TEX11: variants seen among roughly 807,000 people sequenced by gnomAD.
The protein encoded by TEX11 is testis expressed 11, also known as testis-expressed protein 11.
A neutral mutation model predicts 84.4 loss-of-function variants in TEX11; 7 were observed. The observed-to-expected ratio is 0.08, with a 90% CI of 0.05 to 0.16. The LOEUF is 0.16. TEX11 is among the 10% of genes least tolerant of loss of function. TEX11 has a pLI of 1.00. For synonymous variants in TEX11, 264 were observed against 222.8 expected (o/e 1.18, Z -1.64); for missense variants, 551 against 660.5 (o/e 0.83, Z 1.82).
chrX:70,702,987 C>T (rs1603227901), intron 13 of TEX11, among the ~76,000 whole-genome samples: 1 of 111,704 alleles, frequency 9.0e-6, no homozygotes, highest in African/African-American at 3.3e-5. Flanking sequence ...TTATATAGTG[C>T]TTATTATGCA....
chrX:70,738,065 A>G (rs776334636), intron 11 of TEX11, among the ~76,000 whole-genome samples: 1 of 112,237 alleles, frequency 8.9e-6, no homozygotes, highest in East Asian at 2.8e-4. Context: ...CTAAAACACC[A>G]AAAGCAATTC....
intron 18 of TEX11, among the ~76,000 whole-genome samples, chrX:70,627,464 C>T (rs182677224): frequency 7.2e-4 from 80 of 111,320 alleles, no homozygotes; most frequent in Non-Finnish European, 1.2e-3. Context: ...TCTATGGTGG[C>T]AGTTGAGAAG....
intron 2 of TEX11, among the ~76,000 whole-genome samples, chrX:70,895,603 G>A (rs755003703): frequency 3.6e-5 from 4 of 111,707 alleles, no homozygotes; most frequent in Non-Finnish European, 5.6e-5. Context: ...GAGGCATCAC[G>A]CTGTCTTACC....
At chrX:70,553,201 C>T (rs2088241004) in intron 27 of TEX11, 105 bp downstream of exon 27, 2 of 456,942 alleles carry the variant, frequency 4.4e-6, no homozygotes, top group East Asian at 8.0e-5. Flanking sequence ...CCAGATCATC[C>T]CCATATCATC....
At chrX:70,723,105 G>A (rs915225171) in intron 12 of TEX11, among the ~76,000 whole-genome samples, 12 of 111,680 alleles carry the variant, frequency 1.1e-4, no homozygotes, top group Non-Finnish European at 1.9e-4. Context: ...ATTTCTCAGG[G>A]TTGTTGAGAG....
At chrX:70,598,314 G>A (rs1185477161) in intron 24 of TEX11, among the ~76,000 whole-genome samples, 1 of 111,961 alleles carries the variant, frequency 8.9e-6, no homozygotes, top group Non-Finnish European at 1.9e-5. Flanking sequence ...CCACAATGAG[G>A]TATCAATTTA....
chrX:70,889,246 T>C (rs1316209785), intron 2 of TEX11, among the ~76,000 whole-genome samples: 2 of 110,034 alleles, frequency 1.8e-5, no homozygotes, highest in Non-Finnish European at 3.8e-5. Context: ...TGAAACCCCA[T>C]CTCTACTAAA....
chrX:70,658,128 T>G (rs1443096566), intron 16 of TEX11, among the ~76,000 whole-genome samples: 1 of 111,395 alleles, frequency 9.0e-6, no homozygotes, highest in Non-Finnish European at 1.9e-5. Flanking sequence ...TAAATAAGAA[T>G]TAGCGGTGGG....
intron 9 of TEX11, among the ~76,000 whole-genome samples, chrX:70,794,062 G>C (rs773285789): frequency 2.7e-5 from 3 of 111,811 alleles, no homozygotes; most frequent in Non-Finnish European, 5.6e-5. Context: ...CAGGTGAGTG[G>C]TCACAGTGCC....
chrX:70,791,010 A>G (rs1193514789), intron 9 of TEX11, among the ~76,000 whole-genome samples: 2 of 111,906 alleles, frequency 1.8e-5, no homozygotes, highest in Non-Finnish European at 3.8e-5. Context: ...TTACATATGT[A>G]TACCGTGGCA....
intron 17 of TEX11, among the ~76,000 whole-genome samples, chrX:70,639,394 G>A (rs185303015): frequency 6.1e-4 from 68 of 112,172 alleles, no homozygotes; most frequent in African/African-American, 2.1e-3. Context: ...CAGCCGGGAA[G>A]CTCGAACTGA....
At chrX:70,900,369 A>T (rs1350530676) in intron 2 of TEX11, among the ~76,000 whole-genome samples, 4 of 44,981 alleles carry the variant, frequency 8.9e-5, no homozygotes, top group Non-Finnish European at 1.8e-4. Context: ...ACAGAGGGAG[A>T]CTCTATCTCA....
At chrX:70,545,000 C>T (rs1456089977) in intron 28 of TEX11, among the ~76,000 whole-genome samples, 2 of 109,774 alleles carry the variant, frequency 1.8e-5, no homozygotes, top group Non-Finnish European at 3.8e-5. Context: ...AGGTCAGGAG[C>T]TTGAGGCCAG....
chrX:70,816,685 C>G (rs1207301493), intron 8 of TEX11, among the ~76,000 whole-genome samples: 1 of 107,279 alleles, frequency 9.3e-6, no homozygotes, highest in Non-Finnish European at 1.9e-5. Context: ...GCACTCCAGC[C>G]TGGGTGACAG....
intron 25 of TEX11, among the ~76,000 whole-genome samples, chrX:70,571,655 T>G (rs753207140): frequency 8.9e-6 from 1 of 112,333 alleles, no homozygotes; most frequent in South Asian, 3.6e-4. Flanking sequence ...CCTAATCATC[T>G]TTCTGTTGTT....
intron 17 of TEX11, among the ~76,000 whole-genome samples, chrX:70,641,761 T>G (rs2089661934): frequency 9.2e-6 from 1 of 109,197 alleles, no homozygotes; most frequent in Non-Finnish European, 1.9e-5. Flanking sequence ...TGGGACACAT[T>G]CAAAGCAGTG....
rs2089135786 is a variant in TEX11, at chrX:70,602,552, C to T, written c.2067+2849G>A. Among the ~76,000 whole-genome samples the T allele has an allele frequency of 2.8e-5, 3 of 106,912 alleles. No individual in the cohort carries two copies. The Admixed American group carries it at 3.0e-4, about 11-fold the overall frequency. 92.8% of individuals were successfully genotyped at this position (106,912 alleles called of 115,157 possible). A position where few individuals can be genotyped will look rare whatever the true frequency, so the allele number is the denominator to read the frequency against. On this transcript the variant is annotated intron_variant, in intron 24 of 29. Transcript: ENST00000374333. Reference sequence around the variant, plus strand: ...AATTAGGTATTGATGGGATGTATTTCAAAATAATAAGAGCTATCTATGACA... The same window carrying T: ...AATTAGGTATTGATGGGATGTATTTTAAAATAATAAGAGCTATCTATGACA...
chrX:70,864,667 G>A (rs1451985114), intron 4 of TEX11, among the ~76,000 whole-genome samples: 23 of 105,682 alleles, frequency 2.2e-4, no homozygotes, highest in Admixed American at 8.2e-4. Flanking sequence ...ACTCAAACCC[G>A]GGAGGCAGGG....
intron 24 of TEX11, among the ~76,000 whole-genome samples, chrX:70,602,834 G>T (rs1277134002): frequency 1.2e-5 from 1 of 81,972 alleles, no homozygotes; most frequent in Non-Finnish European, 2.4e-5. Flanking sequence ...TCCTTAAGCT[G>T]ATAAGCAACT....
Sources: gnomAD v4.1 joint callset for allele counts (sites outside exome capture counted in the v4.1 genomes callset) on GRCh38, gnomAD v4.1.1 for gene constraint, MANE v1.5 for transcripts, NCBI Gene and HGNC (gene_info 2026-07-23, HGNC 2026-07-21) for gene names.